Variants in CPE observed in about 807,000 individuals in gnomAD.
The protein encoded by CPE is carboxypeptidase E, also known as carbocypeptidase E.
CPE carries 17 observed loss-of-function variants against 53.5 expected under a neutral mutation model. The ratio of observed to expected loss-of-function variants is 0.32; its 90% CI spans 0.22 to 0.48. The LOEUF (loss-of-function observed/expected upper bound fraction) is 0.48, where lower values mean the gene tolerates loss of function less well. Among genes scored for constraint, CPE ranks in the 20% least tolerant of loss-of-function variants. The pLI is 0.99. For missense variants in CPE, 524 were observed against 614.7 expected, an observed-to-expected ratio of 0.85 and a Z score of 1.56; for synonymous variants, 226 against 228.8, an observed-to-expected ratio of 0.99 and a Z score of 0.11.
At chr4:165,454,242 G>A (rs1731862261) in intron 1 of CPE, among the ~76,000 whole-genome samples, 1 of 152,198 alleles carries the variant, frequency 6.6e-6, no homozygotes, top group Admixed American at 6.5e-5. Flanking sequence ...CAGGCATGCA[G>A]AATGATTCAG....
chr4:165,432,898 C>T (rs368594403), intron 1 of CPE, among the ~76,000 whole-genome samples: 12 of 152,220 alleles, frequency 7.9e-5, no homozygotes, highest in Admixed American at 3.3e-4. Flanking sequence ...TCCACGTCTT[C>T]GTTGTTCTTG....
chr4:165,489,881 T>G (rs1732570875), intron 6 of CPE, among the ~76,000 whole-genome samples: 2 of 152,224 alleles, frequency 1.3e-5, no homozygotes, highest in South Asian at 4.1e-4. Flanking sequence ...AATAAGAATT[T>G]GCTCTGTCCA....
intron 1 of CPE, among the ~76,000 whole-genome samples, chr4:165,399,628 TC>T (rs1730834472): frequency 6.6e-6 from 1 of 152,162 alleles, no homozygotes; most frequent in Non-Finnish European, 1.5e-5. Context: ...TGCCTTGGCC[TC>T]CCAAAGTGCT....
chr4:165,476,222 G>A (rs985855688), intron 3 of CPE, among the ~76,000 whole-genome samples: 9 of 152,256 alleles, frequency 5.9e-5, no homozygotes, highest in East Asian at 3.9e-4. Flanking sequence ...TAGGCCAAGC[G>A]GGCAACTTGA....
intron 2 of CPE, among the ~76,000 whole-genome samples, chr4:165,466,242 C>A (rs1056775773): frequency 6.6e-6 from 1 of 152,100 alleles, no homozygotes; most frequent in African/African-American, 2.4e-5. Flanking sequence ...TAGGCAACTG[C>A]AACACACTAG....
chr4:165,454,690 G>A (rs1278981960), intron 1 of CPE, among the ~76,000 whole-genome samples: 1 of 152,188 alleles, frequency 6.6e-6, no homozygotes, highest in Non-Finnish European at 1.5e-5. Context: ...AGCAATGACT[G>A]AGGAAATGGA....
chr4:165,422,576 CT>C (rs1309909042), intron 1 of CPE, among the ~76,000 whole-genome samples: 1 of 152,112 alleles, frequency 6.6e-6, no homozygotes, highest in East Asian at 1.9e-4. Context: ...AAGGATGTAC[CT>C]GTGACACAGC....
intron 3 of CPE, among the ~76,000 whole-genome samples, chr4:165,469,993 G>A (rs1217355460): frequency 6.6e-6 from 1 of 152,168 alleles, no homozygotes; most frequent in Non-Finnish European, 1.5e-5. Context: ...GCAGAAACAT[G>A]GGCTGAGCCT....
intron 1 of CPE, among the ~76,000 whole-genome samples, chr4:165,399,315 A>T (rs184715952): frequency 6.6e-6 from 1 of 152,218 alleles, no homozygotes; most frequent in Non-Finnish European, 1.5e-5. Flanking sequence ...TCTACTAATT[A>T]TAACTGTTGA....
intron 5 of CPE, 79 bp downstream of exon 5, chr4:165,484,683 A>G (rs531274589): frequency 7.7e-7 from 1 of 1,293,732 alleles, no homozygotes; most frequent in African/African-American, 1.5e-5. Context: ...AGTGATTTAG[A>G]TTTAGAGAAT....
At chr4:165,383,565 A>G (rs1285649550) in intron 1 of CPE, among the ~76,000 whole-genome samples, 1 of 152,228 alleles carries the variant, frequency 6.6e-6, no homozygotes, top group African/African-American at 2.4e-5. Flanking sequence ...TCTCAAAAAC[A>G]TTCTTTAGAG....
chr4:165,471,124 C>G (rs1732198186), intron 3 of CPE, among the ~76,000 whole-genome samples: 1 of 152,138 alleles, frequency 6.6e-6, no homozygotes, highest in African/African-American at 2.4e-5. Context: ...TCCAAAAAAT[C>G]CTGACGCTGC....
At chr4:165,430,323 T>A (rs1731388206) in intron 1 of CPE, among the ~76,000 whole-genome samples, 1 of 152,186 alleles carries the variant, frequency 6.6e-6, no homozygotes, top group South Asian at 2.1e-4. Context: ...GCACAAAAAA[T>A]TTTCAAAGTA....
intron 1 of CPE, among the ~76,000 whole-genome samples, chr4:165,401,170 G>A (rs1365508878): frequency 1.3e-5 from 2 of 151,800 alleles, no homozygotes; most frequent in East Asian, 1.9e-4. Flanking sequence ...TCTTTTCTGC[G>A]GCCTTCTCTT....
At chr4:165,402,400 C>T (rs1447740741) in intron 1 of CPE, among the ~76,000 whole-genome samples, 2 of 152,146 alleles carry the variant, frequency 1.3e-5, no homozygotes, top group Admixed American at 6.5e-5. Flanking sequence ...TACATGACAC[C>T]ATGTGATACA....
chr4:165,409,521 CCA>C (rs1439779672), intron 1 of CPE, among the ~76,000 whole-genome samples: 1 of 152,106 alleles, frequency 6.6e-6, no homozygotes, highest in Non-Finnish European at 1.5e-5. Flanking sequence ...TGCTTATATC[CCA>C]CAGTCAGGTT....
At chr4:165,441,384 C>T (rs192153042) in intron 1 of CPE, among the ~76,000 whole-genome samples, 8 of 152,226 alleles carry the variant, frequency 5.3e-5, no homozygotes, top group Admixed American at 2.6e-4. Context: ...TGACATAGTA[C>T]GTCCCAGTGA....
At chr4:165,496,769 A>C (rs1215187375) in intron 8 of CPE, among the ~76,000 whole-genome samples, 1 of 152,174 alleles carries the variant, frequency 6.6e-6, no homozygotes, top group Non-Finnish European at 1.5e-5. Flanking sequence ...AACAAATTCA[A>C]GATTCTGGAT....
intron 6 of CPE, among the ~76,000 whole-genome samples, chr4:165,488,666 G>A (rs1254836469): frequency 6.6e-6 from 1 of 152,028 alleles, no homozygotes; most frequent in Non-Finnish European, 1.5e-5. Context: ...ACATAAAAAA[G>A]CTGTTAAATA....
Sources: allele counts gnomAD v4.1 joint callset (sites outside exome capture counted in the v4.1 genomes callset), GRCh38; gene constraint gnomAD v4.1.1; transcripts MANE v1.5; gene names NCBI Gene and HGNC (gene_info 2026-07-23, HGNC 2026-07-21).